TBC1D9: variants seen among roughly 807,000 people sequenced by gnomAD.
TBC1D9 encodes TBC1 domain family member 9.
Under a neutral mutation model 132.0 loss-of-function variants are expected in TBC1D9, and 63 were observed. The ratio of observed to expected loss-of-function variants is 0.48; its 90% confidence interval spans 0.39 to 0.59. The LOEUF (loss-of-function observed/expected upper bound fraction) is 0.59. Ranked by LOEUF, TBC1D9 falls within the 20% of genes least tolerant of loss-of-function variation. TBC1D9 has a pLI of 0.00. For missense variants in TBC1D9, 1,261 were observed against 1,592.7 expected, an observed-to-expected ratio of 0.79 and a Z score of 3.54; for synonymous variants, 610 against 609.9, an observed-to-expected ratio of 1.00 and a Z score of 0.00.
rs372656894 is a variant in TBC1D9 at position 140,634,144 on chromosome 4, C to A, written c.2550G>T (p.Ala850=). ...TSCYWGGSSN[A]LDRHDPSLPY... is the part of the protein sequence containing the mutation. ...GCAGGCTGGGGTCATGCCGGTCCAG[C>A]GCGTTGCTGCTCCCGCCCCAGTAGC... The change falls in exon 16 of 21, where the codon GCG becomes GCT. Residue 850 remains alanine (A), a synonymous_variant. Coordinates refer to ENST00000442267, the MANE Select transcript of TBC1D9 (RefSeq NM_015130.3). 4 of 1,613,712 alleles carry A rather than the reference C, an allele frequency of 2.5e-6. No homozygotes were observed. Among genetic ancestry groups the A allele is most frequent in the Admixed American group, 1.7e-5 (1 of 60,000 alleles).
rs755689582 is a variant in TBC1D9, at chr4:140,755,901, G to C, written c.130+15C>G. The C allele has an allele frequency of 4.6e-6, 7 of 1,534,528 alleles. No homozygotes were observed. Among genetic ancestry groups the C allele is most frequent in the African/African-American group, 1.4e-5 (1 of 70,952 alleles). On this transcript the variant is annotated intron_variant, in intron 1 of 20. Transcript: ENST00000442267. ...TCCCGGCTCCCCTCCTGCAGGGATC[G>C]GCCACGGTCCTTACCCGCCAGTCCG... is the stretch of plus-strand genomic sequence containing the variant.
At chr4:140,694,957 T>C (rs1033205943) in intron 2 of TBC1D9, among the ~76,000 whole-genome samples, 6 of 152,200 alleles carry the variant, frequency 3.9e-5, no homozygotes, top group Non-Finnish European at 7.3e-5. Flanking sequence ...GATACGAGAA[T>C]AGTCCTTGAG....
chr4:140,624,161 A>G lies in TBC1D9; in HGVS notation c.3033T>C (p.Asn1011=). ...CCTTTGCATTCTTTGACTTAGATTTATTTTCTGGAGTCCACAGTCTCAAAT... is the reference window on the plus strand; with the variant it reads ...CCTTTGCATTCTTTGACTTAGATTTGTTTTCTGGAGTCCACAGTCTCAAAT... ...RNYLRLWTPE[N]KSKSKNAKDL... is the part of the protein sequence containing the mutation. Residue 1011 remains asparagine, a synonymous_variant, in exon 20 of 21, where the codon AAT becomes AAC. Coordinates refer to ENST00000442267, the MANE Select transcript of TBC1D9 (RefSeq NM_015130.3). 1 of 1,611,704 alleles carries G rather than the reference A, an allele frequency of 6.2e-7. No individual in the cohort carries two copies. Among genetic ancestry groups the G allele is most frequent in the Non-Finnish European group, 8.5e-7 (1 of 1,178,710 alleles).
At chr4:140,663,696 AC>A (rs1400507827) in intron 9 of TBC1D9, among the ~76,000 whole-genome samples, 1 of 152,228 alleles carries the variant, frequency 6.6e-6, no homozygotes, top group African/African-American at 2.4e-5. Flanking sequence ...AAAATGGGAT[AC>A]TATATTCAGC....
intron 2 of TBC1D9, among the ~76,000 whole-genome samples, chr4:140,695,292 C>A (rs964136074): frequency 6.6e-6 from 1 of 152,162 alleles, no homozygotes; most frequent in Admixed American, 6.5e-5. Flanking sequence ...CATCCTACTA[C>A]AATAAGAGGG....
intron 1 of TBC1D9, among the ~76,000 whole-genome samples, chr4:140,733,538 T>C (rs1363975012): frequency 6.6e-6 from 1 of 152,186 alleles, no homozygotes; most frequent in East Asian, 1.9e-4. Flanking sequence ...AACATTATAT[T>C]CTTATTATGT....
intron 13 of TBC1D9, chr4:140,642,606 T>A: frequency 1.2e-6 from 1 of 868,554 alleles, no homozygotes; most frequent in Non-Finnish European, 1.9e-6. Context: ...TTCTTCTTCT[T>A]AATCTTCAGC....
intron 1 of TBC1D9, among the ~76,000 whole-genome samples, chr4:140,728,575 C>G (rs535179955): frequency 6.6e-6 from 1 of 152,084 alleles, no homozygotes; most frequent in Non-Finnish European, 1.5e-5. Context: ...CTCACTGAAA[C>G]CTTCACCTCC....
chr4:140,675,357 A>G (rs763013665), intron 6 of TBC1D9, among the ~76,000 whole-genome samples: 1 of 152,200 alleles, frequency 6.6e-6, no homozygotes, highest in East Asian at 1.9e-4. Flanking sequence ...CCTTTGCTAA[A>G]GGGATGTTAG....
chr4:140,740,096 CA>C (rs997777436), intron 1 of TBC1D9, among the ~76,000 whole-genome samples: 3 of 152,176 alleles, frequency 2.0e-5, no homozygotes, highest in Non-Finnish European at 4.4e-5. Flanking sequence ...GTGCTCCTTG[CA>C]CCCAGATATA....
intron 8 of TBC1D9, 77 bp from the exon 9 acceptor site, chr4:140,669,144 C>A: frequency 7.0e-7 from 1 of 1,433,434 alleles, no homozygotes. Flanking sequence ...AAGGTCAGAA[C>A]ATGTTCCCTG....
intron 13 of TBC1D9, among the ~76,000 whole-genome samples, 197 bp downstream of exon 13, chr4:140,656,900 G>A (rs1031311705): frequency 6.6e-6 from 1 of 152,194 alleles, no homozygotes; most frequent in African/African-American, 2.4e-5. Flanking sequence ...TGCATGCAAG[G>A]TGCCATCTTG....
rs756536667 is a variant in TBC1D9, at chr4:140,668,992, T to A, written c.1513A>T (p.Thr505Ser). 1 of 1,614,012 alleles carries A rather than the reference T, an allele frequency of 6.2e-7. No individual in the cohort carries two copies. Among genetic ancestry groups the A allele is most frequent in the Non-Finnish European group, 8.5e-7 (1 of 1,179,892 alleles). The change falls in exon 9 of 21, where the codon ACA (threonine) becomes TCA (serine). Residue 505 changes from threonine to serine, a missense_variant. Coordinates refer to ENST00000442267, the MANE Select transcript of TBC1D9 (RefSeq NM_015130.3). ...AACACCAGCTCCCGCGTTTTCTCTG[T>A]GCGGTACATGCAGATCCCTTGCCCA... is the stretch of plus-strand genomic sequence containing the variant. ...EYGQGICMYR[T>S]EKTRELVLKG...
intron 13 of TBC1D9, among the ~76,000 whole-genome samples, chr4:140,651,201 G>A (rs1268480611): frequency 6.6e-6 from 1 of 152,200 alleles, no homozygotes; most frequent in Non-Finnish European, 1.5e-5. Context: ...AGGCACAGTG[G>A]CTCATGCCTA....
intron 1 of TBC1D9, among the ~76,000 whole-genome samples, chr4:140,735,791 C>T (rs779829335): frequency 2.0e-5 from 3 of 152,102 alleles, no homozygotes; most frequent in Non-Finnish European, 4.4e-5. Context: ...CCTACTGTGG[C>T]GTACAATAAC....
chr4:140,739,894 TTAGA>T (rs1473702801), intron 1 of TBC1D9, among the ~76,000 whole-genome samples: 3 of 152,148 alleles, frequency 2.0e-5, no homozygotes, highest in Non-Finnish European at 4.4e-5. Flanking sequence ...AGAAACAGAA[TTAGA>T]TAAACAAGAG....
chr4:140,705,596 C>G (rs572635492), intron 1 of TBC1D9, among the ~76,000 whole-genome samples: 1 of 151,902 alleles, frequency 6.6e-6, no homozygotes, highest in East Asian at 1.9e-4. Context: ...TCTGTTGGTA[C>G]ATGAAGTCAA....
intron 1 of TBC1D9, among the ~76,000 whole-genome samples, chr4:140,710,602 C>G (rs1425215157): frequency 6.6e-6 from 1 of 152,168 alleles, no homozygotes; most frequent in Non-Finnish European, 1.5e-5. Flanking sequence ...GCTCAAATCT[C>G]CTAAGCACCC....
chr4:140,675,795 C>T (rs1396903040), intron 6 of TBC1D9, among the ~76,000 whole-genome samples: 1 of 152,142 alleles, frequency 6.6e-6, no homozygotes, highest in Non-Finnish European at 1.5e-5. Flanking sequence ...CCAACAAACA[C>T]GTGGCTTTCT....
Sources: gnomAD v4.1 joint callset for allele counts (sites outside exome capture counted in the v4.1 genomes callset) on GRCh38, gnomAD v4.1.1 for gene constraint, MANE v1.5 for transcripts, NCBI Gene and HGNC (gene_info 2026-07-23, HGNC 2026-07-21) for gene names.